The following KCNK13 variants were observed in gnomAD, a reference collection of about 807,000 sequenced individuals.
KCNK13 encodes the protein potassium two pore domain channel subfamily K member 13.
In KCNK13, 12 loss-of-function variants were observed where a neutral mutation model predicts 23.4. That is an observed-to-expected ratio of 0.51 (90% CI 0.33 to 0.83). The LOEUF (loss-of-function observed/expected upper bound fraction) is 0.83, where lower values mean the gene tolerates loss of function less well. KCNK13 is among the 40% of genes least tolerant of loss of function. The pLI is 0.02. For synonymous variants in KCNK13, 231 were observed against 229.5 expected (o/e 1.01, Z -0.06); for missense variants, 463 against 556.3 (o/e 0.83, Z 1.69).
intron 1 of KCNK13, among the ~76,000 whole-genome samples, chr14:90,120,432 T>C (rs747066046): frequency 6.6e-6 from 1 of 152,186 alleles, no homozygotes; most frequent in Non-Finnish European, 1.5e-5. Flanking sequence ...AGAGGTTTAA[T>C]TGGCTCACAG....
intron 1 of KCNK13, among the ~76,000 whole-genome samples, chr14:90,101,595 C>T (rs909425521): frequency 6.6e-6 from 1 of 151,520 alleles, no homozygotes; most frequent in African/African-American, 2.4e-5. Flanking sequence ...TTGAAACCAC[C>T]CTGCGCAACA....
intron 1 of KCNK13, among the ~76,000 whole-genome samples, chr14:90,136,915 G>A (rs186729904): frequency 7.2e-5 from 11 of 152,140 alleles, no homozygotes; most frequent in African/African-American, 2.4e-4. Flanking sequence ...GTTCATTAGC[G>A]TCGTCATGTG....
At chr14:90,165,780 A>G (rs1006162857) in intron 1 of KCNK13, among the ~76,000 whole-genome samples, 2 of 152,212 alleles carry the variant, frequency 1.3e-5, no homozygotes, top group African/African-American at 4.8e-5. Flanking sequence ...TAATGACAGC[A>G]TTTATTGCTT....
Position 90,125,246 on chromosome 14 carries a change from T to C in KCNK13, c.335-58865T>C, listed in dbSNP as rs1012105644. ...ATTTTTTTTTTTTTTCTTTTTGAGA[T>C]GGAGTCTCACTCTGTCGCCGAGGCT... On this transcript the variant is annotated intron_variant, in intron 1 of 1. Coordinates refer to ENST00000282146, the MANE Select transcript of KCNK13 (RefSeq NM_022054.4). 1.7e-4 allele frequency among the ~76,000 whole-genome samples: 25 copies of C among 151,416 alleles called. No homozygotes were observed. In the East Asian group the frequency reaches 2.5e-3, roughly 15 times the overall value.
chr14:90,172,414 G>A (rs1046954521), intron 1 of KCNK13, among the ~76,000 whole-genome samples: 3 of 151,920 alleles, frequency 2.0e-5, no homozygotes, highest in East Asian at 1.9e-4. Context: ...GGAGTTCCTC[G>A]AGGGCGAGGT....
chr14:90,144,960 T>C (rs1242325677), intron 1 of KCNK13, among the ~76,000 whole-genome samples: 1 of 152,152 alleles, frequency 6.6e-6, no homozygotes, highest in African/African-American at 2.4e-5. Context: ...TTTATGACAC[T>C]GATGAAGTTC....
At chr14:90,078,602 A>G (rs887586753) in intron 1 of KCNK13, among the ~76,000 whole-genome samples, 22 of 151,768 alleles carry the variant, frequency 1.4e-4, no homozygotes, top group Non-Finnish European at 2.8e-4. Context: ...GAAAAGAGAA[A>G]GAAAGAGAGG....
At chr14:90,162,675 G>A (rs1284631193) in intron 1 of KCNK13, among the ~76,000 whole-genome samples, 1 of 152,258 alleles carries the variant, frequency 6.6e-6, no homozygotes, top group East Asian at 1.9e-4. Flanking sequence ...TTTTTGAAAA[G>A]CACAGCCATA....
chr14:90,133,569 A>T (rs1189586897), intron 1 of KCNK13, among the ~76,000 whole-genome samples: 2 of 149,994 alleles, frequency 1.3e-5, no homozygotes, highest in African/African-American at 4.9e-5. Flanking sequence ...TGGGTTTTCA[A>T]ATCTTATTTA....
At chr14:90,063,326 C>T (rs574365967) in intron 1 of KCNK13, among the ~76,000 whole-genome samples, 1 of 152,228 alleles carries the variant, frequency 6.6e-6, no homozygotes, top group South Asian at 2.1e-4. Flanking sequence ...CTAGAGGCAC[C>T]TGGGAGCCAT....
intron 1 of KCNK13, among the ~76,000 whole-genome samples, chr14:90,121,782 C>A (rs1010205428): frequency 3.9e-5 from 6 of 152,100 alleles, no homozygotes; most frequent in African/African-American, 1.2e-4. Context: ...TACAGTGGCA[C>A]AATCTCAGCT....
At chr14:90,120,089 T>C (rs7158313) in intron 1 of KCNK13, among the ~76,000 whole-genome samples, 3,749 of 152,256 alleles carry the variant, frequency 0.025, 165 homozygotes, top group African/African-American at 0.086. Context: ...CAAGTAGGCC[T>C]CAGTGTCTGT....
At chr14:90,178,231 C>CAAAGAA (rs1890444807) in intron 1 of KCNK13, among the ~76,000 whole-genome samples, 1 of 75,072 alleles carries the variant, frequency 1.3e-5, no homozygotes, top group Non-Finnish European at 2.5e-5. Context: ...TTCCTAAAAG[C>CAAAGAA]AAAAAAAAAA....
intron 1 of KCNK13, among the ~76,000 whole-genome samples, chr14:90,179,527 C>T (rs1161228883): frequency 1.3e-5 from 2 of 152,056 alleles, no homozygotes; most frequent in East Asian, 3.9e-4. Context: ...CAGAATCTGC[C>T]CCAGAAATTA....
chr14:90,131,920 C>T (rs1414500980), intron 1 of KCNK13, among the ~76,000 whole-genome samples: 5 of 152,104 alleles, frequency 3.3e-5, no homozygotes, highest in African/African-American at 1.2e-4. Flanking sequence ...TCCAGCAATC[C>T]CACTTCTGGG....
At chr14:90,066,968 CA>C (rs34426036) in intron 1 of KCNK13, among the ~76,000 whole-genome samples, 31,614 of 150,870 alleles carry the variant, frequency 0.21, 3,957 homozygotes, top group Non-Finnish European at 0.28. Context: ...ATGATTCAGC[CA>C]AAAAAAAAGG....
rs756045966 is a variant in KCNK13, at chr14:90,184,986, AC to A, written c.1212del (p.Ser405ValfsTer101). 6.3e-7 allele frequency: 1 copy of A among 1,591,942 alleles called. No homozygotes were observed. Among genetic ancestry groups the A allele is most frequent in the Non-Finnish European group, 8.6e-7 (1 of 1,168,294 alleles). ...FAIMNNRLAETSGDR is the reference protein window; with the variant it reads ...FAIMNNRLAEXSGDR ...AATCATGAACAACAGGTTGGCAGAG[AC>A]CAGTGGGGACAGGTAGAAGCCAGGA... On this transcript the variant is annotated frameshift_variant, in exon 2 of 2. Transcript: ENST00000282146. LOFTEE classifies it high-confidence loss of function. The surrounding 1 kb of genome is among the most constrained non-coding windows in gnomAD (Gnocchi z 5.6).
intron 1 of KCNK13, among the ~76,000 whole-genome samples, chr14:90,070,479 G>A (rs989645267): frequency 2.2e-4 from 33 of 152,288 alleles, no homozygotes; most frequent in African/African-American, 7.7e-4. Flanking sequence ...ATAGTTTAAA[G>A]ATTTCGACCC....
intron 1 of KCNK13, among the ~76,000 whole-genome samples, chr14:90,158,252 C>A (rs914242831): frequency 6.6e-6 from 1 of 152,202 alleles, no homozygotes; most frequent in Non-Finnish European, 1.5e-5. Context: ...TTCCATCTAC[C>A]CTGACAAGAC....
Sources: allele counts gnomAD v4.1 joint callset (sites outside exome capture counted in the v4.1 genomes callset), GRCh38; gene constraint gnomAD v4.1.1; non-coding constraint Gnocchi (gnomAD v3.1); transcripts MANE v1.5; gene names NCBI Gene and HGNC (gene_info 2026-07-23, HGNC 2026-07-21).